The following XRN1 variants were observed in gnomAD, a reference collection of about 807,000 sequenced individuals.
XRN1 encodes 5'-3' exoribonuclease 1, also known as strand-exchange protein 1 homolog.
In XRN1, 67 loss-of-function variants were observed where a neutral mutation model predicts 222.3. That is an observed-to-expected ratio of 0.30 (90% CI 0.25 to 0.37). XRN1 has a LOEUF of 0.37. XRN1 is among the 10% of genes least tolerant of loss of function. The pLI, the probability that XRN1 is intolerant of heterozygous loss-of-function variation, is 1.00. For synonymous variants in XRN1, 643 were observed against 652.4 expected (o/e 0.99, Z 0.22); for missense variants, 1,707 against 2,000.2 (o/e 0.85, Z 2.80).
intron 20 of XRN1, among the ~76,000 whole-genome samples, chr3:142,392,049 C>G (rs1393669726): frequency 1.3e-5 from 2 of 152,060 alleles, no homozygotes; most frequent in African/African-American, 2.4e-5. Context: ...TCCATTTTAT[C>G]CTCAACTTCT....
intron 32 of XRN1, among the ~76,000 whole-genome samples, chr3:142,354,823 G>A (rs1577277957): frequency 6.6e-6 from 1 of 152,086 alleles, no homozygotes; most frequent in East Asian, 1.9e-4. Flanking sequence ...GAGCCACAGT[G>A]CCCGGCCAGA....
intron 32 of XRN1, among the ~76,000 whole-genome samples, chr3:142,350,094 C>A (rs1377905994): frequency 6.6e-6 from 1 of 152,112 alleles, no homozygotes; most frequent in Non-Finnish European, 1.5e-5. Context: ...GTTGGACATA[C>A]ATCATATAAT....
intron 37 of XRN1, among the ~76,000 whole-genome samples, chr3:142,319,480 A>AT (rs1385707384): frequency 3.9e-5 from 6 of 152,088 alleles, no homozygotes; most frequent in African/African-American, 1.4e-4. Flanking sequence ...TTATACTTTA[A>AT]TTTTCTGTTT....
At chr3:142,380,838 G>C (rs995161538) in intron 22 of XRN1, among the ~76,000 whole-genome samples, 2 of 151,960 alleles carry the variant, frequency 1.3e-5, no homozygotes, top group Admixed American at 6.6e-5. Flanking sequence ...TGCAGAGATG[G>C]GATTTTGCCA....
At chr3:142,431,773 C>T (rs1381253477) in intron 2 of XRN1, among the ~76,000 whole-genome samples, 7 of 128,714 alleles carry the variant, frequency 5.4e-5, no homozygotes, top group Non-Finnish European at 1.0e-4. Flanking sequence ...GCCGAGATCG[C>T]GCCACTGCAC....
intron 2 of XRN1, among the ~76,000 whole-genome samples, chr3:142,430,456 T>C (rs1361644082): frequency 2.6e-5 from 4 of 152,218 alleles, no homozygotes; most frequent in Admixed American, 1.3e-4. Flanking sequence ...TCTCAACTAC[T>C]AGAGATTCTG....
chr3:142,418,550 T>C lies in XRN1; in HGVS notation c.1300A>G (p.Lys434Glu). 6.2e-7 allele frequency: 1 copy of C among 1,612,252 alleles called. No individual in the cohort carries two copies. The highest frequency in any genetic ancestry group is 8.5e-7 in the Non-Finnish European group (1 of 1,179,472). ...DLFETEFRQY[K>E]RTYYMTKMGV... Reference sequence around the variant, plus strand: ...ATCTTCGTCATGTAATATGTTCTTTTATATTGTCTAAACTCAGTTTCAAAT... The same window carrying C: ...ATCTTCGTCATGTAATATGTTCTTTCATATTGTCTAAACTCAGTTTCAAAT... The change falls in exon 12 of 41, where the codon AAA becomes GAA. Residue 434 changes from lysine (K) to glutamate (E), a missense_variant. Physicochemically the swap from Lys to Glu is moderately conservative, Grantham distance 56. This residue lies in a region of XRN1 where 1,234 missense variants were observed against 1,518.2 expected (regional missense o/e 0.81). Transcript: ENST00000392981.
rs147748250 is a variant in XRN1 at position 142,419,317 on chromosome 3, A to AG, written c.1174-437dup. On this transcript the variant is annotated intron_variant, in intron 10 of 40. Transcript: ENST00000392981. ...AAAAAGTTGCAGAGCCCGTTTTCTTAGGGGGGGAAAAAAAAAGACACACAC... is the reference window on the plus strand; with the variant it reads ...AAAAAGTTGCAGAGCCCGTTTTCTTAGGGGGGGGAAAAAAAAAGACACACAC... Among the ~76,000 whole-genome samples, 98 of 151,732 alleles carry AG rather than the reference A, an allele frequency of 6.5e-4. 2 individuals are homozygous for AG. In the South Asian group the frequency reaches 0.011, roughly 18 times the overall value.
intron 15 of XRN1, among the ~76,000 whole-genome samples, chr3:142,408,631 G>A (rs139108490): frequency 6.6e-6 from 1 of 152,130 alleles, no homozygotes; most frequent in African/African-American, 2.4e-5. Flanking sequence ...GGTATTGGGC[G>A]GTTTCCAGTT....
chr3:142,424,219 A>G (rs2069155724), intron 5 of XRN1, among the ~76,000 whole-genome samples: 1 of 151,978 alleles, frequency 6.6e-6, no homozygotes, highest in Non-Finnish European at 1.5e-5. Context: ...CTCAGCCTCC[A>G]GAGTAGCTGG....
chr3:142,446,779 A>G (rs1224639014), intron 1 of XRN1, among the ~76,000 whole-genome samples: 1 of 152,194 alleles, frequency 6.6e-6, no homozygotes, highest in African/African-American at 2.4e-5. Context: ...TATGTTTCAA[A>G]TAAATTCAAG....
intron 26 of XRN1, 33 bp downstream of exon 26, chr3:142,371,206 T>C: frequency 1.8e-5 from 28 of 1,528,424 alleles, no homozygotes; most frequent in Non-Finnish European, 2.5e-5. Flanking sequence ...TGAATTGAAC[T>C]ATGAGGTAAT....
chr3:142,447,140 T>C lies in XRN1; in HGVS notation c.75+730A>G, dbSNP rs1577474421. Among the ~76,000 whole-genome samples, 3 of 152,330 alleles carry C rather than the reference T, an allele frequency of 2.0e-5. No individual in the cohort carries two copies. In the South Asian group the frequency reaches 6.2e-4, roughly 32 times the overall value. ...CGTTTTCGGAATCTACACATTAACG[T>C]TGTCCTGGGGTCAGTACATGCCAAA... On this transcript the variant is annotated intron_variant, in intron 1 of 40. Coordinates refer to ENST00000392981, the MANE Select transcript of XRN1 (RefSeq NM_001282857.2). This position sits in a 1 kb window ranked among gnomAD's most constrained non-coding sequence, Gnocchi z 4.2.
intron 37 of XRN1, among the ~76,000 whole-genome samples, chr3:142,321,265 G>A (rs1046905714): frequency 1.3e-5 from 2 of 151,900 alleles, no homozygotes; most frequent in African/African-American, 2.4e-5. Context: ...GATTACAGGT[G>A]CATGCCATCA....
chr3:142,442,481 T>C (rs1000680786), intron 1 of XRN1, among the ~76,000 whole-genome samples: 2 of 152,164 alleles, frequency 1.3e-5, no homozygotes, highest in African/African-American at 4.8e-5. Flanking sequence ...CACGAGGACA[T>C]AGTTTCCTCC....
intron 32 of XRN1, among the ~76,000 whole-genome samples, chr3:142,350,492 C>G (rs1451468253): frequency 6.6e-6 from 1 of 152,114 alleles, no homozygotes; most frequent in African/African-American, 2.4e-5. Context: ...GGCTTTTACT[C>G]AGTGAAACGG....
chr3:142,444,463 T>C (rs1241664479), intron 1 of XRN1, among the ~76,000 whole-genome samples: 1 of 151,976 alleles, frequency 6.6e-6, no homozygotes, highest in African/African-American at 2.4e-5. Context: ...ACACAAAAAT[T>C]AGCTAGGCGT....
chr3:142,377,297 G>C (rs2067174029), intron 23 of XRN1, among the ~76,000 whole-genome samples: 1 of 148,842 alleles, frequency 6.7e-6, no homozygotes, highest in Admixed American at 6.7e-5. Flanking sequence ...ATACTAACTA[G>C]GATAAACTAC....
intron 27 of XRN1, among the ~76,000 whole-genome samples, chr3:142,369,105 T>G (rs2066905328): frequency 6.6e-6 from 1 of 152,190 alleles, no homozygotes; most frequent in Non-Finnish European, 1.5e-5. Context: ...TCTTAACTTA[T>G]TCTGCAATTA....
Sources: allele counts gnomAD v4.1 joint callset (sites outside exome capture counted in the v4.1 genomes callset), GRCh38; gene constraint gnomAD v4.1.1; regional missense constraint gnomAD v4.1.1; non-coding constraint Gnocchi (gnomAD v3.1); transcripts MANE v1.5; gene names NCBI Gene and HGNC (gene_info 2026-07-23, HGNC 2026-07-21).